Variants in SGK1 observed in about 807,000 individuals in gnomAD.
The protein encoded by SGK1 is serine/threonine-protein kinase Sgk1.
SGK1 carries 26 observed loss-of-function variants against 64.2 expected under a neutral mutation model. The observed-to-expected ratio is 0.40, with a 90% confidence interval of 0.30 to 0.56. The LOEUF is 0.56. Ranked by LOEUF, SGK1 falls within the 20% of genes least tolerant of loss-of-function variation. The probability of loss-of-function intolerance (pLI) is 0.38; values close to 1 mark genes in which losing one functional copy is unlikely to be tolerated. For missense variants in SGK1, 519 were observed against 645.6 expected (o/e 0.80, Z 2.12); for synonymous variants, 265 against 239.7 (o/e 1.11, Z -0.98).
intron 2 of SGK1, among the ~76,000 whole-genome samples, chr6:134,226,704 AT>A (rs1364481366): frequency 1.2e-4 from 18 of 151,574 alleles, no homozygotes; most frequent in Admixed American, 1.1e-3. Flanking sequence ...AAAAAAAAAA[AT>A]AAAAATAAAA....
chr6:134,298,664 C>G, intron 1 of SGK1: 1 of 1,328,582 alleles, frequency 7.5e-7, no homozygotes. Flanking sequence ...AGATGGACAA[C>G]TTGTAGGACT....
intron 2 of SGK1, among the ~76,000 whole-genome samples, chr6:134,218,416 TTTTC>T (rs1174369707): frequency 7.9e-6 from 1 of 126,428 alleles, no homozygotes; most frequent in African/African-American, 2.6e-5. Flanking sequence ...ATGGAACTTG[TTTTC>T]TTTTCTTTCT....
chr6:134,226,409 T>C (rs1326375687), intron 2 of SGK1, among the ~76,000 whole-genome samples: 1 of 152,060 alleles, frequency 6.6e-6, no homozygotes, highest in Non-Finnish European at 1.5e-5. Context: ...TTTTTTTAAA[T>C]AGAGACGGGG....
chr6:134,207,170 G>A (rs1283984017), intron 3 of SGK1, among the ~76,000 whole-genome samples, 186 bp downstream of exon 3: 2 of 152,096 alleles, frequency 1.3e-5, no homozygotes, highest in Admixed American at 1.3e-4. Context: ...AGCTTGCAGT[G>A]AGCTGAGATT....
chr6:134,247,155 C>T (rs1012252140), intron 2 of SGK1, among the ~76,000 whole-genome samples: 4 of 152,128 alleles, frequency 2.6e-5, no homozygotes, highest in African/African-American at 9.7e-5. Flanking sequence ...TTCCCCACCA[C>T]CATTCCACCC....
At position 134,262,018 on chromosome 6, in the gene SGK1, G is replaced by A; in HGVS notation, c.200C>T (p.Thr67Ile). Residue 67 changes from threonine (T) to isoleucine (I), a missense_variant, in exon 2 of 14, where the codon ACA becomes ATA. Thr to Ile is a moderately conservative substitution (Grantham distance 89). Coordinates refer to ENST00000367858, the MANE Select transcript of SGK1 (RefSeq NM_001143676.3). ...TTGGAAAGCATGTTCACCCAGGCAT[G>A]TTTGACACAAGGAAGACTCGAAGTC... Reference protein sequence around the residue: ...EPDFESSLCQTCLGEHAFQRG... With the variant: ...EPDFESSLCQICLGEHAFQRG... 2 of 1,613,946 alleles carry A rather than the reference G, an allele frequency of 1.2e-6. No individual in the cohort carries two copies. Among genetic ancestry groups the A allele is most frequent in the Non-Finnish European group, 1.7e-6 (2 of 1,179,836 alleles).
chr6:134,301,070 A>C (rs1285605204), intron 1 of SGK1, among the ~76,000 whole-genome samples: 1 of 152,254 alleles, frequency 6.6e-6, no homozygotes, highest in Admixed American at 6.5e-5. Flanking sequence ...TTACTGAAAT[A>C]GAGAAAAATA....
At chr6:134,220,698 AT>A (rs1776076415) in intron 2 of SGK1, among the ~76,000 whole-genome samples, 1 of 152,078 alleles carries the variant, frequency 6.6e-6, no homozygotes, top group Non-Finnish European at 1.5e-5. Context: ...ATTATTATCC[AT>A]TTTGTACCAT....
intron 2 of SGK1, among the ~76,000 whole-genome samples, chr6:134,216,295 C>T (rs981443402): frequency 2.0e-5 from 3 of 152,124 alleles, no homozygotes; most frequent in African/African-American, 7.2e-5. Flanking sequence ...TCTCAAAATG[C>T]TTGTTTCCTA....
chr6:134,184,454 G>A (rs888993495), intron 3 of SGK1, among the ~76,000 whole-genome samples: 7 of 134,518 alleles, frequency 5.2e-5, no homozygotes, highest in African/African-American at 1.4e-4. Flanking sequence ...GCAGTGAGCC[G>A]AGATCACATC....
intron 3 of SGK1, among the ~76,000 whole-genome samples, chr6:134,194,554 C>T (rs545413347): frequency 6.0e-5 from 9 of 150,540 alleles, no homozygotes; most frequent in African/African-American, 1.7e-4. Context: ...AGTCTCGCTC[C>T]GTTACCCAGG....
chr6:134,290,790 A>T (rs1285967823), intron 1 of SGK1, among the ~76,000 whole-genome samples: 1 of 152,158 alleles, frequency 6.6e-6, no homozygotes, highest in African/African-American at 2.4e-5. Flanking sequence ...GAGCCACAGA[A>T]GTCTCTGGGC....
intron 3 of SGK1, among the ~76,000 whole-genome samples, chr6:134,191,483 A>C (rs1775508135): frequency 1.3e-5 from 2 of 152,160 alleles, no homozygotes. Flanking sequence ...TTTTTTAAGG[A>C]GTAGCTCTTC....
intron 1 of SGK1, among the ~76,000 whole-genome samples, chr6:134,288,510 C>G (rs186558000): frequency 6.6e-6 from 1 of 152,194 alleles, no homozygotes; most frequent in East Asian, 1.9e-4. Context: ...TTCTAATGGG[C>G]AAAGAGATGT....
intron 3 of SGK1, among the ~76,000 whole-genome samples, chr6:134,189,350 A>G (rs1253745346): frequency 6.6e-6 from 1 of 152,134 alleles, no homozygotes; most frequent in African/African-American, 2.4e-5. Context: ...AAAAGAATGA[A>G]AATAAGCTTT....
At chr6:134,294,304 C>T (rs867617487) in intron 1 of SGK1, among the ~76,000 whole-genome samples, 4 of 152,190 alleles carry the variant, frequency 2.6e-5, no homozygotes, top group South Asian at 4.2e-4. Flanking sequence ...AGTACAATGA[C>T]GTTGTTGAGC....
In SGK1 at chr6:134,296,776, CAAAAAA is replaced by C. The variant is rs869144600; in HGVS notation, c.69+20610_69+20615del. Among the ~76,000 whole-genome samples, 14 of 66,732 alleles carry C rather than the reference CAAAAAA, an allele frequency of 2.1e-4. No homozygotes were observed. The South Asian group carries it at 2.1e-3, about 10-fold the overall frequency. The allele number at this position is 66,732 out of a possible 152,430, so 43.8% of individuals were successfully genotyped here. ...AGCTAGCTGAGGTTTTATTTTGGAC[CAAAAAA>C]AAAAAAAAAAAAAAAACAGTTGAAT... On this transcript the variant is annotated intron_variant, in intron 1 of 13. Transcript: ENST00000367858.
chr6:134,291,859 G>A lies in SGK1; in HGVS notation c.69+25533C>T, dbSNP rs9389153. On this transcript the variant is annotated intron_variant, in intron 1 of 13. Transcript: ENST00000367858. ...GCAGATCACTTGAGGTCAGGAGTTC[G>A]AGACCAGCCTGACCAACATGGTGAA... 5.3e-3 allele frequency among the ~76,000 whole-genome samples: 805 copies of A among 152,110 alleles called. 18 individuals carry two copies. The highest frequency in any genetic ancestry group is 0.045 in the East Asian group (234 of 5,170).
intron 2 of SGK1, among the ~76,000 whole-genome samples, chr6:134,238,951 G>C (rs1025358458): frequency 1.3e-5 from 2 of 152,186 alleles, no homozygotes; most frequent in Non-Finnish European, 2.9e-5. Context: ...CTATTAAACT[G>C]TAAATATTCT....
Sources: allele counts gnomAD v4.1 joint callset (sites outside exome capture counted in the v4.1 genomes callset), GRCh38; gene constraint gnomAD v4.1.1; transcripts MANE v1.5; gene names NCBI Gene and HGNC (gene_info 2026-07-23, HGNC 2026-07-21).